Variants in WWC2 observed in about 807,000 individuals in gnomAD.
The protein encoded by WWC2 is WW and C2 domain containing 2, also known as protein WWC2.
Under a neutral mutation model 138.5 loss-of-function variants are expected in WWC2, and 101 were observed. The observed-to-expected ratio is 0.73, with a 90% confidence interval of 0.62 to 0.86. The LOEUF (loss-of-function observed/expected upper bound fraction) is 0.86, where lower values mean the gene tolerates loss of function less well. Ranked by LOEUF, WWC2 falls within the 40% of genes least tolerant of loss-of-function variation. The pLI is 0.00. For missense variants in WWC2, 1,420 were observed against 1,419.4 expected, an observed-to-expected ratio of 1.00 and a Z score of -0.01; for synonymous variants, 558 against 538.4, an observed-to-expected ratio of 1.04 and a Z score of -0.50.
chr4:183,282,771 G>A lies in WWC2; in HGVS notation c.2748G>A (p.Leu916=). The change falls in exon 18 of 23, where the codon TTG becomes TTA. Residue 916 remains leucine, a synonymous_variant. Transcript: ENST00000403733. ...CTGAAAAAGAGGCTGAAGTTAAATT[G>A]CCAGAGGACAGTAGCTGTACAGAAG... is the stretch of plus-strand genomic sequence containing the variant. ...IVAEKEAEVK[L]PEDSSCTEDL... is the part of the protein sequence containing the mutation. 1 of 1,581,518 alleles carries A rather than the reference G, an allele frequency of 6.3e-7. No individual in the cohort carries two copies. The highest frequency in any genetic ancestry group is 1.2e-5 in the South Asian group (1 of 86,116).
At chr4:183,241,093 G>A (rs1161422481) in intron 5 of WWC2, among the ~76,000 whole-genome samples, 1 of 152,204 alleles carries the variant, frequency 6.6e-6, no homozygotes, top group African/African-American at 2.4e-5. Flanking sequence ...ACGGAGAGGA[G>A]TTAAAACTTC....
chr4:183,241,259 C>G (rs1463965996), intron 5 of WWC2, among the ~76,000 whole-genome samples: 1 of 152,206 alleles, frequency 6.6e-6, no homozygotes, highest in Non-Finnish European at 1.5e-5. Flanking sequence ...GTGGAAAGTA[C>G]CCAGCTGTGT....
chr4:183,261,760 C>T (rs545902328), intron 11 of WWC2, among the ~76,000 whole-genome samples: 1 of 152,262 alleles, frequency 6.6e-6, no homozygotes, highest in East Asian at 1.9e-4. Flanking sequence ...TTAGTACCTG[C>T]TCAGTTGTCC....
chr4:183,157,324 A>C (rs567291265), intron 1 of WWC2, among the ~76,000 whole-genome samples: 8 of 152,116 alleles, frequency 5.3e-5, no homozygotes, highest in Non-Finnish European at 1.0e-4. Flanking sequence ...TGTCCTTCTC[A>C]ACATACCATG....
At chr4:183,270,170 T>G (rs2111379808) in intron 15 of WWC2, 1 of 152,344 alleles carries the variant, frequency 6.6e-6, no homozygotes, top group African/African-American at 2.4e-5. Flanking sequence ...TCAGAAAGGC[T>G]TTAGTATCAT....
intron 8 of WWC2, among the ~76,000 whole-genome samples, chr4:183,251,077 C>T (rs1030951659): frequency 3.3e-5 from 5 of 152,304 alleles, no homozygotes; most frequent in South Asian, 2.1e-4. Context: ...GTCACTTAGG[C>T]GATCTGAACA....
At chr4:183,291,478 T>C (rs1481064761) in intron 21 of WWC2, among the ~76,000 whole-genome samples, 1 of 152,220 alleles carries the variant, frequency 6.6e-6, no homozygotes, top group East Asian at 1.9e-4. Flanking sequence ...AACTCAACAT[T>C]ACCAATAATT....
intron 1 of WWC2, among the ~76,000 whole-genome samples, chr4:183,125,191 G>A (rs1223231979): frequency 2.0e-5 from 3 of 152,156 alleles, no homozygotes; most frequent in African/African-American, 7.2e-5. Context: ...CTGGAGTGAA[G>A]ATGCAGGTCC....
Position 183,282,796 on chromosome 4 carries a change from G to A in WWC2, c.2773G>A (p.Asp925Asn). ...GCCAGAGGACAGTAGCTGTACAGAA[G>A]ATTTAAGTTCATGCACTAGTGTGCC... ...KLPEDSSCTE[D>N]LSSCTSVPEM... The change falls in exon 18 of 23, where the codon GAT (aspartate) becomes AAT (asparagine). Residue 925 changes from aspartate (D) to asparagine (N), a missense_variant. Coordinates refer to ENST00000403733, the MANE Select transcript of WWC2 (RefSeq NM_024949.6). 6.3e-7 allele frequency: 1 copy of A among 1,585,342 alleles called. No individual in the cohort carries two copies. The highest frequency in any genetic ancestry group is 1.2e-5 in the South Asian group (1 of 86,450).
rs1214729837 is a variant in WWC2 at position 183,099,393 on chromosome 4, C to T, written c.-99C>T. ...GCGCCCCTCAGCCCCTCGCCGGCGC[C>T]CGCGTCGCGGGTTGGCAGCCTAGCC... On this transcript the variant is annotated 5_prime_UTR_variant, in exon 1 of 23. Coordinates refer to ENST00000403733, the MANE Select transcript of WWC2 (RefSeq NM_024949.6). The T allele has an allele frequency of 1.7e-6, 2 of 1,148,588 alleles. No homozygotes were observed. Among genetic ancestry groups the T allele is most frequent in the South Asian group, 4.3e-5 (1 of 23,358 alleles). The allele number at this position is 1,148,588 out of a possible 1,614,324, so 71.1% of individuals were successfully genotyped here. A position where few individuals can be genotyped will look rare whatever the true frequency, so the allele number is the denominator to read the frequency against.
At chr4:183,191,967 C>G (rs747593582) in intron 1 of WWC2, among the ~76,000 whole-genome samples, 76 of 152,268 alleles carry the variant, frequency 5.0e-4, no homozygotes, top group Middle Eastern at 6.8e-3. Context: ...CTCAGCCATC[C>G]TCCTGCCTCA....
At chr4:183,315,640 T>C (rs1425254286) in intron 22 of WWC2, 23 bp from the exon 23 acceptor site, 1 of 1,601,942 alleles carries the variant, frequency 6.2e-7, no homozygotes, top group Admixed American at 1.7e-5. Flanking sequence ...TATAAGTCAA[T>C]TTATTTCTCA....
intron 6 of WWC2, among the ~76,000 whole-genome samples, chr4:183,246,996 G>T (rs1021055917): frequency 6.6e-6 from 1 of 152,132 alleles, no homozygotes; most frequent in Non-Finnish European, 1.5e-5. Context: ...TAAATTAAAA[G>T]ATTAGATCCC....
Position 183,316,412 on chromosome 4 carries a change from C to T in WWC2, c.*683C>T, listed in dbSNP as rs578158528. 1.3e-5 allele frequency: 2 copies of T among 152,114 alleles called. No individual in the cohort carries two copies. Among genetic ancestry groups the T allele is most frequent in the Non-Finnish European group, 2.9e-5 (2 of 68,036 alleles). The allele number at this position is 152,114 out of a possible 1,614,324, so 9.4% of individuals were successfully genotyped here. ...CAAAGGAGCACTACTCTTGGCTACA[C>T]GAAAGATCTTGGGATTCATGACACT... On this transcript the variant is annotated 3_prime_UTR_variant, in exon 23 of 23. Transcript: ENST00000403733.
chr4:183,303,967 A>G (rs1738946407), intron 21 of WWC2, among the ~76,000 whole-genome samples: 1 of 152,024 alleles, frequency 6.6e-6, no homozygotes, highest in Non-Finnish European at 1.5e-5. Flanking sequence ...AATAATTTAA[A>G]TAGGTGATTG....
chr4:183,162,429 T>C (rs1218245931), intron 1 of WWC2, among the ~76,000 whole-genome samples: 3 of 152,230 alleles, frequency 2.0e-5, no homozygotes, highest in African/African-American at 7.2e-5. Flanking sequence ...AGCACTACCA[T>C]GCAAAGCAAG....
chr4:183,240,241 A>C lies in WWC2; in HGVS notation c.581A>C (p.Gln194Pro). The change falls in exon 5 of 23, where the codon CAA becomes CCA. Residue 194 changes from glutamine to proline, a missense_variant. Physicochemically the swap from Gln to Pro is moderately conservative, Grantham distance 76. Coordinates refer to ENST00000403733, the MANE Select transcript of WWC2 (RefSeq NM_024949.6). ...AAGCAGGAACTGCTCTATAAAGAAC[A>C]AGGCTTTGAAACATTGCAGCAGTGA... ...QMKQELLYKE[Q>P]GFETLQQIDK... 1.3e-6 allele frequency: 2 copies of C among 1,552,524 alleles called. No individual in the cohort carries two copies. The highest frequency in any genetic ancestry group is 1.7e-6 in the Non-Finnish European group (2 of 1,147,742).
chr4:183,232,076 T>TTTC (rs895679375), intron 4 of WWC2, among the ~76,000 whole-genome samples: 6 of 152,168 alleles, frequency 3.9e-5, no homozygotes, highest in African/African-American at 1.4e-4. Flanking sequence ...GACACACCAC[T>TTTC]GGAAAGGTTG....
intron 1 of WWC2, among the ~76,000 whole-genome samples, chr4:183,164,290 ATATATATATACATATATATATT>A (rs1438034077): frequency 3.9e-3 from 1 of 254 alleles, no homozygotes; most frequent in African/African-American, 7.2e-3. Flanking sequence ...ATATATATAT[ATATATATATACATATATATATT>A]ATATATACAT....
Sources: allele counts gnomAD v4.1 joint callset (sites outside exome capture counted in the v4.1 genomes callset), GRCh38; gene constraint gnomAD v4.1.1; transcripts MANE v1.5; gene names NCBI Gene and HGNC (gene_info 2026-07-23, HGNC 2026-07-21).